The following SPPL3 variants were observed in gnomAD, a reference collection of about 807,000 sequenced individuals.
SPPL3 encodes the protein signal peptide peptidase-like 3.
A neutral mutation model predicts 42.4 loss-of-function variants in SPPL3; 5 were observed. That is an observed-to-expected ratio of 0.12 (90% confidence interval 0.06 to 0.25). SPPL3 has a LOEUF of 0.25. Ranked by LOEUF, SPPL3 falls within the 10% of genes least tolerant of loss-of-function variation. SPPL3 has a pLI of 1.00. For missense variants in SPPL3, 235 were observed against 489.0 expected (o/e 0.48, Z 4.90); for synonymous variants, 195 against 181.8 (o/e 1.07, Z -0.58).
intron 3 of SPPL3, among the ~76,000 whole-genome samples, chr12:120,790,598 C>T (rs1217312870): frequency 6.6e-6 from 1 of 152,166 alleles, no homozygotes; most frequent in Non-Finnish European, 1.5e-5. Context: ...TAAGTCAAAC[C>T]CACCTTCTCT....
chr12:120,775,702 C>A (rs1006160133), intron 6 of SPPL3, among the ~76,000 whole-genome samples: 3 of 152,192 alleles, frequency 2.0e-5, no homozygotes, highest in Non-Finnish European at 4.4e-5. Flanking sequence ...CCAACTCTTT[C>A]AAGTCTTCCC....
chr12:120,895,918 T>G (rs757364543), intron 1 of SPPL3, among the ~76,000 whole-genome samples: 5 of 152,206 alleles, frequency 3.3e-5, no homozygotes, highest in Non-Finnish European at 1.5e-5. Context: ...TATCTCAAGA[T>G]TTCAAATGAA....
chr12:120,788,863 T>C (rs1470139943), intron 3 of SPPL3, among the ~76,000 whole-genome samples: 1 of 152,232 alleles, frequency 6.6e-6, no homozygotes, highest in Non-Finnish European at 1.5e-5. Context: ...TTCCATCTCC[T>C]TAGCACCTAC....
chr12:120,847,127 T>G (rs1196148048), intron 1 of SPPL3, among the ~76,000 whole-genome samples: 1 of 152,114 alleles, frequency 6.6e-6, no homozygotes, highest in African/African-American at 2.4e-5. Context: ...AACTTCATTA[T>G]GCATAAAACC....
rs557565720 is a variant in SPPL3, at chr12:120,784,339, CG to C, written c.310+134del. On this transcript the variant is annotated intron_variant, in intron 4 of 10. Coordinates refer to ENST00000353487, the MANE Select transcript of SPPL3 (RefSeq NM_139015.5). Reference sequence around the variant, plus strand: ...TTGGGGAAGGGTGGCGTGGTTGAGACGGAGAAGGCGAAGCCAAGATTTATAA... The same window carrying C: ...TTGGGGAAGGGTGGCGTGGTTGAGACGAGAAGGCGAAGCCAAGATTTATAA... 7.0e-5 allele frequency: 61 copies of C among 874,594 alleles called. 1 individual carries two copies. The Admixed American group carries it at 1.5e-3, about 21-fold the overall frequency. The allele number at this position is 874,594 out of a possible 1,614,324, so 54.2% of individuals were successfully genotyped here. A position where few individuals can be genotyped will look rare whatever the true frequency, so the allele number is the denominator to read the frequency against.
intron 1 of SPPL3, among the ~76,000 whole-genome samples, chr12:120,883,882 A>G (rs1164719413): frequency 1.3e-5 from 2 of 151,544 alleles, no homozygotes; most frequent in Non-Finnish European, 2.9e-5. Flanking sequence ...TGGGTGGATC[A>G]CCTGAGGTTG....
chr12:120,885,849 CT>C (rs142907503), intron 1 of SPPL3, among the ~76,000 whole-genome samples: 5,946 of 121,338 alleles, frequency 0.049, 120 homozygotes, highest in South Asian at 0.098. Context: ...AACATTAAAA[CT>C]TTTTTTTTTT....
At chr12:120,900,830 G>A (rs1427430369) in intron 1 of SPPL3, among the ~76,000 whole-genome samples, 1 of 150,754 alleles carries the variant, frequency 6.6e-6, no homozygotes, top group Non-Finnish European at 1.5e-5. Context: ...GCTGAGGCAG[G>A]AGAATTGTCT....
chr12:120,823,347 T>C (rs1389068154), intron 1 of SPPL3, among the ~76,000 whole-genome samples: 1 of 152,126 alleles, frequency 6.6e-6, no homozygotes, highest in Non-Finnish European at 1.5e-5. Flanking sequence ...CTTGTCACAC[T>C]GTGCCTTCTA....
intron 1 of SPPL3, among the ~76,000 whole-genome samples, chr12:120,840,051 C>G (rs887549785): frequency 6.6e-6 from 1 of 151,748 alleles, no homozygotes; most frequent in African/African-American, 2.4e-5. Flanking sequence ...GAGGCCGAGG[C>G]GGGTGGATCA....
chr12:120,893,170 G>A (rs1432775976), intron 1 of SPPL3, among the ~76,000 whole-genome samples: 1 of 151,698 alleles, frequency 6.6e-6, no homozygotes, highest in African/African-American at 2.4e-5. Context: ...AAAATACTGG[G>A]TCAGGTGCAG....
chr12:120,834,100 C>T (rs12816974), intron 1 of SPPL3, among the ~76,000 whole-genome samples: 4,796 of 152,210 alleles, frequency 0.032, 101 homozygotes, highest in Non-Finnish European at 0.045. Flanking sequence ...TCCTAGCCAA[C>T]GAGTTCACAG....
At chr12:120,869,241 A>AGG (rs1171517201) in intron 1 of SPPL3, among the ~76,000 whole-genome samples, 1 of 152,242 alleles carries the variant, frequency 6.6e-6, no homozygotes, top group African/African-American at 2.4e-5. Context: ...CGATACCATG[A>AGG]GGAGTACTGC....
intron 1 of SPPL3, among the ~76,000 whole-genome samples, chr12:120,867,935 C>T (rs562096272): frequency 2.4e-4 from 36 of 151,900 alleles, no homozygotes; most frequent in South Asian, 1.0e-3. Flanking sequence ...TTTGTAGAGA[C>T]GGGGTTTCAC....
At chr12:120,791,274 A>G (rs963366555) in intron 3 of SPPL3, among the ~76,000 whole-genome samples, 195 bp downstream of exon 3, 3 of 152,204 alleles carry the variant, frequency 2.0e-5, no homozygotes, top group African/African-American at 4.8e-5. Context: ...ATCTTTCTAT[A>G]AGCATCAAAC....
intron 1 of SPPL3, among the ~76,000 whole-genome samples, chr12:120,860,169 C>T (rs1360850206): frequency 6.6e-6 from 1 of 152,144 alleles, no homozygotes; most frequent in Non-Finnish European, 1.5e-5. Flanking sequence ...TGCCAGTGCA[C>T]TTCCAGCCTG....
intron 3 of SPPL3, among the ~76,000 whole-genome samples, chr12:120,789,064 A>C (rs1869818501): frequency 1.3e-5 from 2 of 152,242 alleles, no homozygotes; most frequent in South Asian, 4.1e-4. Context: ...AGTCTATGCT[A>C]ATCTGTCCTT....
intron 1 of SPPL3, among the ~76,000 whole-genome samples, chr12:120,900,923 CAAAA>C (rs11432981): frequency 2.0e-5 from 2 of 101,524 alleles, no homozygotes; most frequent in East Asian, 2.8e-4. Context: ...CCCTGTCTCA[CAAAA>C]AAAAAAAAAA....
chr12:120,859,187 G>C (rs924800948), intron 1 of SPPL3, among the ~76,000 whole-genome samples: 1 of 151,740 alleles, frequency 6.6e-6, no homozygotes, highest in Non-Finnish European at 1.5e-5. Context: ...GGGGGCGTGG[G>C]GGTTTCAGAA....
Sources: allele counts gnomAD v4.1 joint callset (sites outside exome capture counted in the v4.1 genomes callset), GRCh38; gene constraint gnomAD v4.1.1; transcripts MANE v1.5; gene names NCBI Gene and HGNC (gene_info 2026-07-23, HGNC 2026-07-21).